NRCAM: variants seen among roughly 807,000 people sequenced by gnomAD.
NRCAM encodes NgCAM-related cell adhesion molecule.
In NRCAM, 83 loss-of-function variants were observed where a neutral mutation model predicts 156.5. That is an observed-to-expected ratio of 0.53 (90% CI 0.44 to 0.64). The LOEUF (loss-of-function observed/expected upper bound fraction) is 0.64, where lower values mean the gene tolerates loss of function less well. Ranked by LOEUF, NRCAM falls within the 30% of genes least tolerant of loss-of-function variation. The pLI, the probability that NRCAM is intolerant of heterozygous loss-of-function variation, is 0.00. For synonymous variants in NRCAM, 538 were observed against 563.9 expected (o/e 0.95, Z 0.65); for missense variants, 1,417 against 1,597.3 (o/e 0.89, Z 1.92).
intron 3 of NRCAM, among the ~76,000 whole-genome samples, chr7:108,290,753 T>C (rs76443190): frequency 0.018 from 2,692 of 152,334 alleles, 94 homozygotes; most frequent in African/African-American, 0.061. Context: ...CATTTGACTA[T>C]CCATTATGTC....
intron 1 of NRCAM, among the ~76,000 whole-genome samples, chr7:108,418,131 T>C (rs1255289085): frequency 6.6e-6 from 1 of 152,092 alleles, no homozygotes; most frequent in Non-Finnish European, 1.5e-5. Flanking sequence ...CCAGGAGCCG[T>C]GTGGTCACTC....
intron 1 of NRCAM, among the ~76,000 whole-genome samples, chr7:108,412,258 CA>C (rs5886460): frequency 0.94 from 139,259 of 148,860 alleles, 65,175 homozygotes; most frequent in South Asian, 0.97. Context: ...TTAAATTTTA[CA>C]AAAAAAAAAA....
At chr7:108,192,211 G>C (rs1255435972) in intron 17 of NRCAM, among the ~76,000 whole-genome samples, 2 of 152,010 alleles carry the variant, frequency 1.3e-5, no homozygotes, top group Admixed American at 1.3e-4. Context: ...AGGCCCCAGG[G>C]GAATGGGGCG....
chr7:108,295,663 A>G (rs2098439622), intron 3 of NRCAM, among the ~76,000 whole-genome samples: 1 of 152,232 alleles, frequency 6.6e-6, no homozygotes, highest in African/African-American at 2.4e-5. Flanking sequence ...GGACACAAAC[A>G]TTCACCTCAT....
chr7:108,305,644 A>C (rs1288434509), intron 3 of NRCAM, among the ~76,000 whole-genome samples: 1 of 152,174 alleles, frequency 6.6e-6, no homozygotes, highest in Non-Finnish European at 1.5e-5. Flanking sequence ...TTCTGTCAGC[A>C]GCTTTATTCA....
chr7:108,297,946 G>A (rs1040544110), intron 3 of NRCAM, among the ~76,000 whole-genome samples: 1 of 152,162 alleles, frequency 6.6e-6, no homozygotes, highest in African/African-American at 2.4e-5. Flanking sequence ...CAGACAGAGG[G>A]AGCCTCGGTG....
At chr7:108,400,210 A>G (rs1226086775) in intron 1 of NRCAM, among the ~76,000 whole-genome samples, 2 of 152,240 alleles carry the variant, frequency 1.3e-5, no homozygotes, top group African/African-American at 2.4e-5. Context: ...CCTTAATTAA[A>G]CAGAAGCCAA....
chr7:108,337,411 C>T (rs2099209640), intron 2 of NRCAM, among the ~76,000 whole-genome samples: 1 of 152,202 alleles, frequency 6.6e-6, no homozygotes, highest in South Asian at 2.1e-4. Context: ...TCGCCATCCA[C>T]CACTGCTGTT....
chr7:108,348,249 AAT>A (rs2099384255), intron 2 of NRCAM, among the ~76,000 whole-genome samples: 1 of 152,134 alleles, frequency 6.6e-6, no homozygotes, highest in African/African-American at 2.4e-5. Flanking sequence ...TGAGTGAGTG[AAT>A]ATATGTGTGG....
chr7:108,170,444 T>A (rs1366552933), intron 28 of NRCAM, among the ~76,000 whole-genome samples: 5 of 152,216 alleles, frequency 3.3e-5, no homozygotes, highest in African/African-American at 1.2e-4. Flanking sequence ...GTCATCCCTC[T>A]GCTCACTGAG....
At chr7:108,387,036 AT>A (rs2099742895) in intron 2 of NRCAM, among the ~76,000 whole-genome samples, 1 of 152,102 alleles carries the variant, frequency 6.6e-6, no homozygotes, top group African/African-American at 2.4e-5. Context: ...ATGTATGTCC[AT>A]TTCCTCTTGT....
chr7:108,207,440 G>A, intron 13 of NRCAM, 88 bp downstream of exon 13: 1 of 1,387,742 alleles, frequency 7.2e-7, no homozygotes, highest in Non-Finnish European at 9.8e-7. Flanking sequence ...CTTAACCTGA[G>A]TTATTTTTTT....
chr7:108,368,978 T>C (rs992909278), intron 2 of NRCAM, among the ~76,000 whole-genome samples: 1 of 152,180 alleles, frequency 6.6e-6, no homozygotes, highest in Non-Finnish European at 1.5e-5. Context: ...AATTTAGACA[T>C]GACTTGAGCT....
chr7:108,346,222 C>T (rs6979708), intron 2 of NRCAM, among the ~76,000 whole-genome samples: 34,800 of 151,980 alleles, frequency 0.23, 4,308 homozygotes, highest in African/African-American at 0.28. Flanking sequence ...ACATCCAATC[C>T]GTTATTTTAC....
At chr7:108,189,921 C>G (rs2070029087) in intron 19 of NRCAM, among the ~76,000 whole-genome samples, 175 bp from the exon 20 acceptor site, 1 of 152,202 alleles carries the variant, frequency 6.6e-6, no homozygotes, top group African/African-American at 2.4e-5. Context: ...CACACGAACA[C>G]ACACAAGATA....
chr7:108,194,532 A>C (rs1344907031), intron 15 of NRCAM, 104 bp from the exon 16 acceptor site: 14 of 752,368 alleles, frequency 1.9e-5, no homozygotes, highest in Non-Finnish European at 2.7e-5. Flanking sequence ...TGAATGTGAA[A>C]GTTGCAAGGC....
chr7:108,281,636 G>C (rs1788040414), intron 3 of NRCAM, among the ~76,000 whole-genome samples: 1 of 152,218 alleles, frequency 6.6e-6, no homozygotes. Flanking sequence ...CCACCAGAAA[G>C]GCAGGGTAAA....
At chr7:108,434,943 C>G (rs184662587) in intron 1 of NRCAM, among the ~76,000 whole-genome samples, 288 of 151,956 alleles carry the variant, frequency 1.9e-3, no homozygotes, top group African/African-American at 6.6e-3. Flanking sequence ...ACCACAGTTA[C>G]CACTACATAT....
chr7:108,344,222 T>A (rs2099327086), intron 2 of NRCAM, among the ~76,000 whole-genome samples: 3 of 152,202 alleles, frequency 2.0e-5, no homozygotes, highest in Admixed American at 2.0e-4. Context: ...TAAGCCTAGC[T>A]GGGAAGGTGA....
Sources: gnomAD v4.1 joint callset for allele counts (sites outside exome capture counted in the v4.1 genomes callset) on GRCh38, gnomAD v4.1.1 for gene constraint, MANE v1.5 for transcripts, NCBI Gene and HGNC (gene_info 2026-07-23, HGNC 2026-07-21) for gene names.